Variants in FARS2 observed in about 807,000 individuals in gnomAD.
FARS2 encodes the protein phenylalanyl-tRNA synthetase 2, mitochondrial.
In FARS2, 40 loss-of-function variants were observed where a neutral mutation model predicts 46.4. The observed-to-expected ratio is 0.86, with a 90% confidence interval of 0.67 to 1.12. The LOEUF (loss-of-function observed/expected upper bound fraction) is 1.12. FARS2 is among the 50% of genes most tolerant of loss of function. The pLI, the probability that FARS2 is intolerant of heterozygous loss-of-function variation, is 0.00. For synonymous variants in FARS2, 234 were observed against 214.9 expected, an observed-to-expected ratio of 1.09 and a Z score of -0.78; for missense variants, 513 against 567.9, an observed-to-expected ratio of 0.90 and a Z score of 0.98.
chr6:5,750,343 C>T (rs1024059083), intron 6 of FARS2, among the ~76,000 whole-genome samples: 1 of 152,116 alleles, frequency 6.6e-6, no homozygotes, highest in Non-Finnish European at 1.5e-5. Flanking sequence ...CTTCTCTCCT[C>T]GGACGCAGAC....
chr6:5,276,294 A>T (rs1165762651), intron 1 of FARS2, among the ~76,000 whole-genome samples: 2 of 152,148 alleles, frequency 1.3e-5, no homozygotes, highest in Non-Finnish European at 1.5e-5. Flanking sequence ...CTTGACTAAG[A>T]TTTTGTCGAT....
intron 6 of FARS2, among the ~76,000 whole-genome samples, chr6:5,679,924 C>A (rs542292343): frequency 7.2e-6 from 1 of 138,756 alleles, no homozygotes; most frequent in African/African-American, 2.7e-5. Context: ...CGTTTTACTT[C>A]CCGGTTCCTG....
chr6:5,571,666 G>C (rs1416601473), intron 5 of FARS2, among the ~76,000 whole-genome samples: 1 of 152,176 alleles, frequency 6.6e-6, no homozygotes, highest in Non-Finnish European at 1.5e-5. Context: ...AAGTGCCCCA[G>C]TAACTCAGTC....
intron 6 of FARS2, among the ~76,000 whole-genome samples, chr6:5,699,708 C>T (rs574116284): frequency 6.6e-6 from 1 of 152,118 alleles, no homozygotes; most frequent in Non-Finnish European, 1.5e-5. Context: ...GAGGTTTCAC[C>T]ATGCTGGCCA....
chr6:5,524,705 G>A (rs1769354827), intron 4 of FARS2, among the ~76,000 whole-genome samples: 1 of 152,138 alleles, frequency 6.6e-6, no homozygotes. Flanking sequence ...TTTACACATG[G>A]CGAAGTTGAA....
At chr6:5,610,695 T>G (rs1053787359) in intron 5 of FARS2, among the ~76,000 whole-genome samples, 2 of 152,246 alleles carry the variant, frequency 1.3e-5, no homozygotes, top group Non-Finnish European at 2.9e-5. Context: ...GTCATCCTTC[T>G]GTTAAGAAAA....
chr6:5,703,210 A>G (rs1479272315), intron 6 of FARS2, among the ~76,000 whole-genome samples: 2 of 152,188 alleles, frequency 1.3e-5, no homozygotes, highest in Non-Finnish European at 2.9e-5. Context: ...GGGATGGGAG[A>G]TTTTCACACT....
intron 6 of FARS2, among the ~76,000 whole-genome samples, chr6:5,710,883 G>A (rs184450740): frequency 4.6e-5 from 7 of 152,196 alleles, no homozygotes; most frequent in South Asian, 4.1e-4. Flanking sequence ...CCCAGCAGCC[G>A]CGGGAGGATG....
chr6:5,438,166 C>CT (rs1171632814), intron 4 of FARS2, among the ~76,000 whole-genome samples: 3 of 145,046 alleles, frequency 2.1e-5, no homozygotes, highest in South Asian at 4.4e-4. Context: ...AGTATCTTTC[C>CT]TTTTTTTTTA....
chr6:5,275,073 CTT>C (rs1766244036), intron 1 of FARS2, among the ~76,000 whole-genome samples: 1 of 152,162 alleles, frequency 6.6e-6, no homozygotes, highest in South Asian at 2.1e-4. Context: ...TGCCAAAAGT[CTT>C]TATTTGGAAT....
intron 6 of FARS2, among the ~76,000 whole-genome samples, chr6:5,728,469 A>G (rs1378298120): frequency 6.6e-6 from 1 of 152,176 alleles, no homozygotes; most frequent in Middle Eastern, 3.2e-3. Flanking sequence ...GAGGAGGTAT[A>G]GGGAATAATT....
chr6:5,573,091 A>T (rs868569135), intron 5 of FARS2, among the ~76,000 whole-genome samples: 2 of 152,150 alleles, frequency 1.3e-5, no homozygotes, highest in Non-Finnish European at 2.9e-5. Flanking sequence ...GCAGTCACAT[A>T]GGACTTCTAT....
At chr6:5,598,224 A>G (rs532992367) in intron 5 of FARS2, among the ~76,000 whole-genome samples, 1 of 149,842 alleles carries the variant, frequency 6.7e-6, no homozygotes, top group East Asian at 1.9e-4. Context: ...CCGTCTCTGC[A>G]AAAAAAAAAT....
chr6:5,742,372 G>C (rs1232469313), intron 6 of FARS2, among the ~76,000 whole-genome samples: 2 of 152,116 alleles, frequency 1.3e-5, no homozygotes, highest in Admixed American at 6.5e-5. Context: ...TTCTACAAAA[G>C]AACAAAGTCA....
intron 2 of FARS2, among the ~76,000 whole-genome samples, chr6:5,382,728 A>G (rs1759869988): frequency 6.6e-6 from 1 of 152,164 alleles, no homozygotes; most frequent in African/African-American, 2.4e-5. Flanking sequence ...GTCTGTTTAT[A>G]TTAGTCAGGG....
At chr6:5,270,452 T>C (rs924310767) in intron 1 of FARS2, among the ~76,000 whole-genome samples, 2 of 152,218 alleles carry the variant, frequency 1.3e-5, no homozygotes, top group African/African-American at 4.8e-5. Context: ...TTTCAGGACA[T>C]AAGTGTGGTT....
intron 4 of FARS2, among the ~76,000 whole-genome samples, chr6:5,454,315 A>T (rs1764695548): frequency 1.3e-5 from 2 of 151,920 alleles, no homozygotes; most frequent in Non-Finnish European, 2.9e-5. Flanking sequence ...CTGTTCTGAA[A>T]ATATCAACAC....
At chr6:5,591,566 C>T (rs1413167144) in intron 5 of FARS2, among the ~76,000 whole-genome samples, 3 of 152,240 alleles carry the variant, frequency 2.0e-5, no homozygotes, top group Non-Finnish European at 4.4e-5. Context: ...TGTTGTGTTT[C>T]ACATTCGACA....
intron 4 of FARS2, among the ~76,000 whole-genome samples, chr6:5,544,627 G>T (rs1362145246): frequency 6.6e-6 from 1 of 152,152 alleles, no homozygotes; most frequent in Non-Finnish European, 1.5e-5. Context: ...GGGCCTGCTT[G>T]TGTTCTCTGC....
Sources: gnomAD v4.1 joint callset for allele counts (sites outside exome capture counted in the v4.1 genomes callset) on GRCh38, gnomAD v4.1.1 for gene constraint, MANE v1.5 for transcripts, NCBI Gene and HGNC (gene_info 2026-07-23, HGNC 2026-07-21) for gene names.